Variants in NBAS observed in about 807,000 individuals in gnomAD.
NBAS encodes the protein NBAS subunit of NRZ tethering complex, also known as NAG/BC035112 fusion.
In NBAS, 219 loss-of-function variants were observed where a neutral mutation model predicts 302.5. That is an observed-to-expected ratio of 0.72 (90% CI 0.65 to 0.81). The LOEUF is 0.81. Ranked by LOEUF, NBAS falls within the 30% of genes least tolerant of loss-of-function variation. The pLI is 0.00. For missense variants in NBAS, 2,932 were observed against 2,841.6 expected, an observed-to-expected ratio of 1.03 and a Z score of -0.72; for synonymous variants, 1,118 against 1,021.6, an observed-to-expected ratio of 1.09 and a Z score of -1.80.
intron 31 of NBAS, among the ~76,000 whole-genome samples, chr2:15,369,812 C>T (rs555041031): frequency 1.8e-3 from 273 of 152,202 alleles, no homozygotes; most frequent in African/African-American, 2.7e-3. Context: ...ATAAAACACA[C>T]GTATACACAC....
intron 40 of NBAS, among the ~76,000 whole-genome samples, chr2:15,294,660 G>A (rs776614461): frequency 6.6e-6 from 1 of 152,088 alleles, no homozygotes; most frequent in Non-Finnish European, 1.5e-5. Flanking sequence ...GCACTGCCGT[G>A]GCCTGCTGCT....
Position 15,405,194 on chromosome 2 carries a change from T to C in NBAS, c.2938-2893A>G, listed in dbSNP as rs114732193. On this transcript the variant is annotated intron_variant, in intron 25 of 51. Coordinates refer to ENST00000281513, the MANE Select transcript of NBAS (RefSeq NM_015909.4). ...CAGCTTTCCCAGATGTCTACAGTCC[T>C]GGAGTATGCTCAACAGTTGCTAGTC... Among the ~76,000 whole-genome samples the C allele has an allele frequency of 6.8e-3, 1,029 of 152,324 alleles. 12 individuals carry two copies. Among genetic ancestry groups the C allele is most frequent in the African/African-American group, 0.022 (928 of 41,574 alleles).
At chr2:14,896,285 T>C in the NBAS span, among the ~76,000 whole-genome samples, 1 of 152,164 alleles carries the variant, frequency 6.6e-6, no homozygotes, top group Non-Finnish European at 1.5e-5. Context: ...GCCAATACGC[T>C]ATGTAATGTA....
At chr2:14,915,974 C>T in the NBAS span, among the ~76,000 whole-genome samples, 1 of 152,098 alleles carries the variant, frequency 6.6e-6, no homozygotes, top group Non-Finnish European at 1.5e-5. Flanking sequence ...TGAGGCCTCC[C>T]CAGCCACATG....
chr2:15,085,924 A>G, the NBAS span, among the ~76,000 whole-genome samples: 1 of 152,110 alleles, frequency 6.6e-6, no homozygotes, highest in Non-Finnish European at 1.5e-5. Context: ...CAGGTCAGTG[A>G]TGGCCTGCAG....
At chr2:15,006,330 C>T in the NBAS span, among the ~76,000 whole-genome samples, 16 of 152,046 alleles carry the variant, frequency 1.1e-4, no homozygotes, top group East Asian at 7.7e-4. Flanking sequence ...GTTTTATGCA[C>T]GATGATGTTC....
chr2:15,239,780 C>T (rs1332272887), intron 44 of NBAS, among the ~76,000 whole-genome samples: 2 of 151,598 alleles, frequency 1.3e-5, no homozygotes, highest in Admixed American at 1.3e-4. Flanking sequence ...TTCGAAACAT[C>T]GTTTTCACCC....
At chr2:15,102,414 G>A in the NBAS span, among the ~76,000 whole-genome samples, 1 of 152,204 alleles carries the variant, frequency 6.6e-6, no homozygotes, top group African/African-American at 2.4e-5. Flanking sequence ...TTTGAGGAAT[G>A]GGGGGCAAGT....
At chr2:15,152,514 G>A in the NBAS span, among the ~76,000 whole-genome samples, 19 of 152,298 alleles carry the variant, frequency 1.2e-4, no homozygotes, top group East Asian at 3.5e-3. Context: ...CAGCAGCCGA[G>A]TTTCAGCCAA....
the NBAS span, among the ~76,000 whole-genome samples, chr2:14,918,096 G>A: frequency 6.6e-6 from 1 of 152,256 alleles, no homozygotes; most frequent in Non-Finnish European, 1.5e-5. Context: ...GGAGTAGGAA[G>A]TGTCCTCTTT....
intron 21 of NBAS, among the ~76,000 whole-genome samples, chr2:15,429,878 C>T (rs1304753832): frequency 1.3e-5 from 2 of 152,060 alleles, no homozygotes; most frequent in Non-Finnish European, 2.9e-5. Flanking sequence ...TTATTTTCTT[C>T]CATGTCAATA....
At chr2:15,309,774 G>A (rs763634736) in intron 38 of NBAS, among the ~76,000 whole-genome samples, 3 of 152,116 alleles carry the variant, frequency 2.0e-5, no homozygotes, top group Non-Finnish European at 2.9e-5. Flanking sequence ...CATTTTGCTT[G>A]TATGTCTTAA....
rs79869759 is a variant in NBAS, at chr2:15,447,423, C to A, written c.2339+13778G>T. 6.7e-3 allele frequency among the ~76,000 whole-genome samples: 1,022 copies of A among 152,244 alleles called. 12 individuals are homozygous for A. The highest frequency in any genetic ancestry group is 0.022 in the African/African-American group (923 of 41,542). On this transcript the variant is annotated intron_variant, in intron 21 of 51. Transcript: ENST00000281513. ...TTCCCAGAGTTTAGGTAAAATAGTT[C>A]TCTTGGTCCCTTGATTAAGAGAAAA... is the stretch of plus-strand genomic sequence containing the variant.
At chr2:15,259,064 G>A (rs1668733948) in intron 44 of NBAS, among the ~76,000 whole-genome samples, 1 of 152,008 alleles carries the variant, frequency 6.6e-6, no homozygotes, top group Non-Finnish European at 1.5e-5. Flanking sequence ...GAAATATTGG[G>A]GGTGGGTTCC....
chr2:15,308,280 T>G lies in NBAS; in HGVS notation c.4733A>C (p.Tyr1578Ser). ...CAATCGGGCATAGATCTGGAGGCTATAGTAATACGCTGCCAGCTGGAGAGA... is the reference window on the plus strand; with the variant it reads ...CAATCGGGCATAGATCTGGAGGCTAGAGTAATACGCTGCCAGCTGGAGAGA... The part of the protein sequence containing the change: ...ALSLQLAAYY[Y>S]SLQIYARLAP... The change falls in exon 40 of 52, where the codon TAT becomes TCT. Residue 1578 changes from tyrosine (Y) to serine (S), a missense_variant. Physicochemically the swap from Tyr to Ser is moderately radical, Grantham distance 144 (BLOSUM62 -2). Transcript: ENST00000281513. The G allele has an allele frequency of 6.2e-7, 1 of 1,614,170 alleles. No homozygotes were observed. Among genetic ancestry groups the G allele is most frequent in the East Asian group, 2.2e-5 (1 of 44,880 alleles).
At chr2:14,967,066 AACT>A in the NBAS span, among the ~76,000 whole-genome samples, 2 of 152,306 alleles carry the variant, frequency 1.3e-5, no homozygotes, top group East Asian at 3.9e-4. Context: ...AGAAATTATG[AACT>A]ACTTAGTGAT....
chr2:15,339,153 A>T (rs1348385465), intron 35 of NBAS, among the ~76,000 whole-genome samples: 4 of 151,524 alleles, frequency 2.6e-5, no homozygotes, highest in African/African-American at 2.4e-5. Flanking sequence ...TATAAGGTAT[A>T]TTTTTTTTTC....
the NBAS span, among the ~76,000 whole-genome samples, chr2:15,059,794 G>A: frequency 1.2e-4 from 19 of 152,014 alleles, no homozygotes; most frequent in Non-Finnish European, 1.5e-4. Context: ...AAGCTCTGGA[G>A]GCCTGAATTA....
At chr2:15,314,229 A>G (rs1206370485) in intron 38 of NBAS, among the ~76,000 whole-genome samples, 3 of 152,042 alleles carry the variant, frequency 2.0e-5, no homozygotes, top group African/African-American at 7.2e-5. Flanking sequence ...GATGGCATGC[A>G]CCGGTAGTCC....
Sources: gnomAD v4.1 joint callset for allele counts (sites outside exome capture counted in the v4.1 genomes callset) on GRCh38, gnomAD v4.1.1 for gene constraint, MANE v1.5 for transcripts, NCBI Gene and HGNC (gene_info 2026-07-23, HGNC 2026-07-21) for gene names.